JAK1: variants seen among roughly 807,000 people sequenced by gnomAD.
JAK1 encodes the protein Janus kinase 1, also known as tyrosine-protein kinase JAK1.
In JAK1, 16 loss-of-function variants were observed where a neutral mutation model predicts 136.6. The observed-to-expected ratio is 0.12, with a 90% CI of 0.08 to 0.18. The LOEUF (loss-of-function observed/expected upper bound fraction) is 0.18. JAK1 is among the 10% of genes least tolerant of loss of function. The pLI is 1.00. For synonymous variants in JAK1, 492 were observed against 519.5 expected, an observed-to-expected ratio of 0.95 and a Z score of 0.72; for missense variants, 859 against 1,450.1, an observed-to-expected ratio of 0.59 and a Z score of 6.62.
intron 1 of JAK1, among the ~76,000 whole-genome samples, chr1:64,931,605 G>T (rs1171904900): frequency 6.6e-6 from 1 of 152,066 alleles, no homozygotes; most frequent in East Asian, 1.9e-4. Flanking sequence ...TAGGAGCTCA[G>T]ACCAGCATTC....
At chr1:64,966,857 G>C (rs1283767966), upstream of JAK1, among the ~76,000 whole-genome samples, 1 of 152,004 alleles carries the variant, frequency 6.6e-6, no homozygotes, top group East Asian at 1.9e-4. Context: ...ACCCCTCCCA[G>C]CTCTGGAGCC....
chr1:65,065,027 TAC>T (rs1455573177), intron 1 of JAK1, among the ~76,000 whole-genome samples: 6 of 152,332 alleles, frequency 3.9e-5, no homozygotes, highest in Admixed American at 1.3e-4. Flanking sequence ...ATGAACACTA[TAC>T]AGTCTTCTCT....
chr1:64,891,586 C>T (rs533415623), intron 1 of JAK1, among the ~76,000 whole-genome samples: 1 of 152,074 alleles, frequency 6.6e-6, no homozygotes, highest in Non-Finnish European at 1.5e-5. Context: ...GCCTAACCTA[C>T]ACAACAAGCC....
chr1:64,931,333 A>T (rs952204999), intron 1 of JAK1, among the ~76,000 whole-genome samples: 1 of 151,760 alleles, frequency 6.6e-6, no homozygotes, highest in African/African-American at 2.4e-5. Flanking sequence ...GTTCAACCGC[A>T]CTCCATGCAG....
intron 1 of JAK1, among the ~76,000 whole-genome samples, chr1:64,932,407 G>T (rs1645713908): frequency 6.6e-6 from 1 of 152,030 alleles, no homozygotes; most frequent in African/African-American, 2.4e-5. Flanking sequence ...GCGAGACTCT[G>T]TCTCAAAAAA....
chr1:64,945,756 T>C (rs2100546914), intron 1 of JAK1, among the ~76,000 whole-genome samples: 1 of 150,836 alleles, frequency 6.6e-6, no homozygotes, highest in South Asian at 2.1e-4. Context: ...TGACACAGAG[T>C]CTTGCTCTGT....
intron 1 of JAK1, among the ~76,000 whole-genome samples, chr1:65,044,880 AAAACAT>A (rs1647170713): frequency 6.6e-6 from 1 of 152,216 alleles, no homozygotes; most frequent in Admixed American, 6.5e-5. Flanking sequence ...CTCTGTTTGT[AAAACAT>A]AACAATGAAC....
intron 1 of JAK1, among the ~76,000 whole-genome samples, chr1:64,935,272 G>C (rs1645768067): frequency 6.6e-6 from 1 of 152,154 alleles, no homozygotes; most frequent in Non-Finnish European, 1.5e-5. Flanking sequence ...CCCATCAGCA[G>C]ATGAAATGAG....
rs545656432 is a variant in JAK1, at chr1:64,989,002, G to GTGTATATA, written c.-78+55477_-78+55478insTATATACA. Among the ~76,000 whole-genome samples the GTGTATATA allele has an allele frequency of 1.3e-3, 164 of 129,204 alleles. 2 individuals carry two copies. The highest frequency in any genetic ancestry group is 1.8e-3 in the South Asian group (7 of 3,950). The allele number at this position is 129,204 out of a possible 152,430, so 84.8% of individuals were successfully genotyped here. ...TGTATATGTGTGTGTGTGTGTGTGTGTATATATATATATATATATATATAT... is the reference window on the plus strand; with the variant it reads ...TGTATATGTGTGTGTGTGTGTGTGTGTGTATATATATATATATATATATATATATATAT... On this transcript the variant is annotated intron_variant, in intron 2 of 25. Coordinates refer to the JAK1 transcript ENST00000671954.
In JAK1 at chr1:65,020,505, T is replaced by G. The variant is rs186987346; in HGVS notation, c.-78+23975A>C. On this transcript the variant is annotated intron_variant, in intron 2 of 25. Coordinates refer to the JAK1 transcript ENST00000671954. ...TGCTTCTGGGGAGGCAGCAAAATTT[T>G]ATATCTGGATCACAGTACTGGTTAT... is the stretch of plus-strand genomic sequence containing the variant. Among the ~76,000 whole-genome samples the G allele has an allele frequency of 6.0e-4, 91 of 152,282 alleles. 1 individual carries two copies. The highest frequency in any genetic ancestry group is 8.8e-5 in the Non-Finnish European group (6 of 68,014).
In JAK1 at chr1:64,879,902, C is replaced by T. The variant is rs555283403; in HGVS notation, c.206-754G>A. On this transcript the variant is annotated intron_variant, in intron 3 of 24. Coordinates refer to ENST00000342505, the MANE Select transcript of JAK1 (RefSeq NM_002227.4). ...GAGATTATGAAGTCACTCACTTCTACGCCCATGATTAAAATTTTATGAACC... is the reference window on the plus strand; with the variant it reads ...GAGATTATGAAGTCACTCACTTCTATGCCCATGATTAAAATTTTATGAACC... Among the ~76,000 whole-genome samples, 5 of 152,242 alleles carry T rather than the reference C, an allele frequency of 3.3e-5. No homozygotes were observed. The East Asian group carries it at 5.8e-4, about 18-fold the overall frequency.
intron 2 of JAK1, among the ~76,000 whole-genome samples, chr1:65,026,151 A>G (rs1044923150): frequency 2.0e-5 from 3 of 152,150 alleles, no homozygotes; most frequent in South Asian, 2.1e-4. Flanking sequence ...TCCCACCCCA[A>G]CGCTACTACC....
chr1:64,915,044 A>G (rs1645369681), intron 1 of JAK1, among the ~76,000 whole-genome samples: 1 of 152,176 alleles, frequency 6.6e-6, no homozygotes, highest in African/African-American at 2.4e-5. Flanking sequence ...CCTTGAGTCA[A>G]TTATTTTACC....
intron 2 of JAK1, among the ~76,000 whole-genome samples, chr1:65,033,437 T>G (rs1647041155): frequency 1.3e-5 from 2 of 152,124 alleles, no homozygotes; most frequent in South Asian, 4.1e-4. Context: ...TCCTCCCACC[T>G]TGGCCTCTCA....
chr1:64,892,140 T>C (rs574360276), intron 1 of JAK1, among the ~76,000 whole-genome samples: 3 of 152,374 alleles, frequency 2.0e-5, no homozygotes, highest in Admixed American at 2.0e-4. Context: ...AACACATCCA[T>C]AATCTTATTA....
intron 1 of JAK1, among the ~76,000 whole-genome samples, chr1:65,049,453 AAAC>A (rs1195083518): frequency 6.6e-6 from 1 of 152,034 alleles, no homozygotes; most frequent in Admixed American, 6.6e-5. Flanking sequence ...AACACAACCC[AAAC>A]AACAACAAAA....
chr1:64,911,190 G>T (rs1293294351), intron 1 of JAK1, among the ~76,000 whole-genome samples: 1 of 152,142 alleles, frequency 6.6e-6, no homozygotes, highest in Non-Finnish European at 1.5e-5. Context: ...TACTTATTTG[G>T]TGAGGGATTT....
chr1:64,946,968 C>T (rs1171437311), intron 1 of JAK1, among the ~76,000 whole-genome samples: 2 of 152,162 alleles, frequency 1.3e-5, no homozygotes, highest in Non-Finnish European at 2.9e-5. Context: ...TGAAAAAGGA[C>T]ATTATGGACA....
intron 9 of JAK1, 144 bp downstream of exon 9, chr1:64,859,961 G>C (rs1018213650): frequency 3.4e-6 from 2 of 585,318 alleles, no homozygotes; most frequent in African/African-American, 3.7e-5. Flanking sequence ...ACCAGAGCTT[G>C]GACAGCAGGG....
Sources: gnomAD v4.1 joint callset for allele counts (sites outside exome capture counted in the v4.1 genomes callset) on GRCh38, gnomAD v4.1.1 for gene constraint, MANE v1.5 for transcripts, NCBI Gene and HGNC (gene_info 2026-07-23, HGNC 2026-07-21) for gene names.